Variants in PCDH10 observed in about 807,000 individuals in gnomAD.
The protein encoded by PCDH10 is protocadherin-10.
Under a neutral mutation model 74.4 loss-of-function variants are expected in PCDH10, and 15 were observed. The ratio of observed to expected loss-of-function variants is 0.20; its 90% CI spans 0.13 to 0.31. The LOEUF (loss-of-function observed/expected upper bound fraction) is 0.31, where lower values mean the gene tolerates loss of function less well. PCDH10 is among the 10% of genes least tolerant of loss of function. The pLI is 1.00. For missense variants in PCDH10, 1,260 were observed against 1,390.2 expected (o/e 0.91, Z 1.49); for synonymous variants, 619 against 589.8 (o/e 1.05, Z -0.72).
chr4:133,152,564 G>A lies in PCDH10; in HGVS notation c.2424G>A (p.Gly808=), dbSNP rs781769778. The part of the protein sequence containing the change: ...NPAQVPIEES[G]GFGSHHHNQN... Reference sequence around the variant, plus strand: ...CCCAGGTGCCGATAGAGGAGTCCGGGGGCTTTGGCTCCCACCACCACAACC... The same window carrying A: ...CCCAGGTGCCGATAGAGGAGTCCGGAGGCTTTGGCTCCCACCACCACAACC... Residue 808 remains glycine (G), a synonymous_variant, in exon 1 of 5, where the codon GGG becomes GGA. Transcript: ENST00000264360. The A allele has an allele frequency of 6.8e-6, 11 of 1,613,994 alleles. No homozygotes were observed. Among genetic ancestry groups the A allele is most frequent in the East Asian group, 4.5e-5 (2 of 44,864 alleles).
chr4:133,186,544 C>T (rs1727544780), intron 4 of PCDH10, among the ~76,000 whole-genome samples: 1 of 152,106 alleles, frequency 6.6e-6, no homozygotes, highest in South Asian at 2.1e-4. Flanking sequence ...TTGACTCATT[C>T]TGTCAAACCT....
intron 3 of PCDH10, 143 bp downstream of exon 3, chr4:133,155,166 T>G: frequency 1.5e-6 from 1 of 657,860 alleles, no homozygotes; most frequent in East Asian, 2.7e-5. Context: ...CACTCTACTT[T>G]GATATTTGCA....
At chr4:133,155,100 T>G in intron 3 of PCDH10, 77 bp downstream of exon 3, 1 of 953,994 alleles carries the variant, frequency 1.0e-6, no homozygotes, top group Non-Finnish European at 1.7e-6. Context: ...GGAAGGATGA[T>G]GTCCTAGGCA....
chr4:133,158,472 T>C (rs973185265), intron 3 of PCDH10, among the ~76,000 whole-genome samples: 2 of 152,166 alleles, frequency 1.3e-5, no homozygotes, highest in African/African-American at 4.8e-5. Flanking sequence ...GTCAAATTTC[T>C]CTTCAATAAT....
chr4:133,179,005 G>A (rs1436774342), intron 4 of PCDH10, among the ~76,000 whole-genome samples: 3 of 152,072 alleles, frequency 2.0e-5, no homozygotes, highest in Non-Finnish European at 2.9e-5. Flanking sequence ...CCTTCTTTAA[G>A]CATCTCATTT....
intron 4 of PCDH10, among the ~76,000 whole-genome samples, chr4:133,178,638 T>A (rs1455299533): frequency 6.6e-6 from 1 of 150,672 alleles, no homozygotes; most frequent in Non-Finnish European, 1.5e-5. Context: ...TATTTTTGCA[T>A]AGGAAACAAT....
At chr4:133,184,802 A>T (rs930249653) in intron 4 of PCDH10, among the ~76,000 whole-genome samples, 5 of 141,560 alleles carry the variant, frequency 3.5e-5, no homozygotes, top group African/African-American at 1.3e-4. Context: ...ATATTTATAT[A>T]TATATATTTA....
At chr4:133,166,975 G>A (rs1429489576) in intron 4 of PCDH10, among the ~76,000 whole-genome samples, 1 of 151,242 alleles carries the variant, frequency 6.6e-6, no homozygotes, top group Non-Finnish European at 1.5e-5. Context: ...AGTCTAAAGG[G>A]AACCATTTAT....
At chr4:133,189,855 T>C (rs190124999) in intron 4 of PCDH10, among the ~76,000 whole-genome samples, 1 of 152,212 alleles carries the variant, frequency 6.6e-6, no homozygotes, top group East Asian at 1.9e-4. Context: ...GATTGTTTTA[T>C]GTAGATAACT....
intron 3 of PCDH10, among the ~76,000 whole-genome samples, chr4:133,155,516 GA>G (rs1242192766): frequency 6.6e-6 from 1 of 152,192 alleles, no homozygotes; most frequent in Non-Finnish European, 1.5e-5. Context: ...TATTGAATGA[GA>G]AAAGTAATGG....
chr4:133,198,485 A>G (rs189429228), downstream of PCDH10, among the ~76,000 whole-genome samples: 37 of 152,342 alleles, frequency 2.4e-4, no homozygotes, highest in Non-Finnish European at 5.4e-4. Context: ...TTGATTTTAA[A>G]ATGTGGTAAT....
At chr4:133,159,313 T>G (rs894231778) in intron 3 of PCDH10, among the ~76,000 whole-genome samples, 1 of 152,114 alleles carries the variant, frequency 6.6e-6, no homozygotes, top group Non-Finnish European at 1.5e-5. Flanking sequence ...ACTTGCCAGT[T>G]GAAAACCATG....
At chr4:133,168,755 T>C (rs538909279) in intron 4 of PCDH10, among the ~76,000 whole-genome samples, 1 of 151,802 alleles carries the variant, frequency 6.6e-6, no homozygotes, top group South Asian at 2.1e-4. Context: ...GAAAAATGAA[T>C]TAATGGGCAT....
chr4:133,170,818 G>A (rs544384009), intron 4 of PCDH10, among the ~76,000 whole-genome samples: 3 of 136,688 alleles, frequency 2.2e-5, no homozygotes, highest in Admixed American at 1.4e-4. Context: ...TCAGCCTCCC[G>A]AGTAGCTGGG....
At position 133,149,386 on chromosome 4, in the gene PCDH10, T is replaced by C. The variant is rs532384130; in HGVS notation, c.-755T>C. Reference sequence around the variant, plus strand: ...AGAGACAGGTTAGAGGGAAAGAGGCTTGGGAAGAAAACAGCAGAAAAGAAA... The same window carrying C: ...AGAGACAGGTTAGAGGGAAAGAGGCCTGGGAAGAAAACAGCAGAAAAGAAA... On this transcript the variant is annotated 5_prime_UTR_variant, in exon 1 of 5. Transcript: ENST00000264360. 1.3e-5 allele frequency: 2 copies of C among 152,624 alleles called. No homozygotes were observed. The highest frequency in any genetic ancestry group is 4.1e-4 in the South Asian group (2 of 4,828). The allele number at this position is 152,624 out of a possible 1,614,324, so 9.5% of individuals were successfully genotyped here.
At chr4:133,158,471 C>T (rs949417339) in intron 3 of PCDH10, among the ~76,000 whole-genome samples, 4 of 151,996 alleles carry the variant, frequency 2.6e-5, no homozygotes, top group Admixed American at 6.6e-5. Flanking sequence ...TGTCAAATTT[C>T]TCTTCAATAA....
intron 4 of PCDH10, among the ~76,000 whole-genome samples, chr4:133,185,713 T>A (rs1727529749): frequency 6.6e-6 from 1 of 152,136 alleles, no homozygotes; most frequent in African/African-American, 2.4e-5. Flanking sequence ...TTCACTGTAG[T>A]GGAGAGTCTC....
In PCDH10 at chr4:133,152,731, A is replaced by G; in HGVS notation, c.2591A>G (p.Gln864Arg). 6.2e-7 allele frequency: 1 copy of G among 1,614,252 alleles called. No individual in the cohort carries two copies. ...ATCGTCACCGGTTACACCGACCAGC[A>G]GCCTGATATCATCTCCAACGGAAGC... is the stretch of plus-strand genomic sequence containing the variant. Reference protein sequence around the residue: ...GAIVTGYTDQQPDIISNGSIL... With the variant: ...GAIVTGYTDQRPDIISNGSIL... The change falls in exon 1 of 5, where the codon CAG becomes CGG. Residue 864 changes from glutamine to arginine, a missense_variant. By Grantham distance (43) the Gln-to-Arg change is conservative. Coordinates refer to ENST00000264360, the MANE Select transcript of PCDH10 (RefSeq NM_032961.3).
chr4:133,158,492 C>G (rs1726907931), intron 3 of PCDH10, among the ~76,000 whole-genome samples: 1 of 151,968 alleles, frequency 6.6e-6, no homozygotes, highest in Non-Finnish European at 1.5e-5. Flanking sequence ...TTTTTTCTTT[C>G]AGTTATAGGA....
Sources: gnomAD v4.1 joint callset for allele counts (sites outside exome capture counted in the v4.1 genomes callset) on GRCh38, gnomAD v4.1.1 for gene constraint, MANE v1.5 for transcripts, NCBI Gene and HGNC (gene_info 2026-07-23, HGNC 2026-07-21) for gene names.